SLC25A14: variants seen among roughly 807,000 people sequenced by gnomAD.
The protein encoded by SLC25A14 is brain mitochondrial carrier protein 1.
SLC25A14 carries 8 observed loss-of-function variants against 28.1 expected under a neutral mutation model. The observed-to-expected ratio is 0.28, with a 90% CI of 0.17 to 0.51. The LOEUF (loss-of-function observed/expected upper bound fraction) is 0.51. SLC25A14 is among the 20% of genes least tolerant of loss of function. The pLI, the probability that SLC25A14 is intolerant of heterozygous loss-of-function variation, is 0.97. For synonymous variants in SLC25A14, 74 were observed against 90.6 expected (o/e 0.82, Z 1.04); for missense variants, 135 against 263.8 (o/e 0.51, Z 3.38).
At chrX:130,344,704 A>T (rs1162916717) in intron 2 of SLC25A14, among the ~76,000 whole-genome samples, 1 of 111,739 alleles carries the variant, frequency 8.9e-6, no homozygotes, top group Non-Finnish European at 1.9e-5. Flanking sequence ...TATAGTAGAG[A>T]GATAGGAGGG....
At position 130,372,551 on chromosome X, in the gene SLC25A14, C is replaced by G. The variant is rs767511457; in HGVS notation, c.937-358C>G. ...GATCTCGGCTCACTGCAAACTCCAC[C>G]TCCTGAGTTCACGCCATTCTCCTGC... is the stretch of plus-strand genomic sequence containing the variant. On this transcript the variant is annotated intron_variant, in intron 10 of 10. Transcript: ENST00000545805. 1.6e-4 allele frequency among the ~76,000 whole-genome samples: 17 copies of G among 109,064 alleles called. No individual in the cohort carries two copies. The South Asian group carries it at 6.5e-3, about 42-fold the overall frequency. The allele number at this position is 109,064 out of a possible 115,157, so 94.7% of individuals were successfully genotyped here.
intron 6 of SLC25A14, among the ~76,000 whole-genome samples, chrX:130,356,385 C>T (rs768663441): frequency 9.2e-5 from 10 of 109,035 alleles, no homozygotes; most frequent in Non-Finnish European, 1.3e-4. Flanking sequence ...CACACCACCA[C>T]GCCTGGCTAA....
chrX:130,369,522 G>T (rs889228928), intron 9 of SLC25A14, among the ~76,000 whole-genome samples: 1 of 112,088 alleles, frequency 8.9e-6, no homozygotes. Flanking sequence ...AGAAATAGAT[G>T]CTATGCAGAA....
At chrX:130,357,221 C>T (rs986105943) in intron 6 of SLC25A14, among the ~76,000 whole-genome samples, 37 of 111,756 alleles carry the variant, frequency 3.3e-4, no homozygotes, top group Admixed American at 3.0e-3. Flanking sequence ...TCAAAATTAA[C>T]GCAAAAAATT....
At chrX:130,357,145 G>A (rs1402637040) in intron 6 of SLC25A14, among the ~76,000 whole-genome samples, 2 of 112,134 alleles carry the variant, frequency 1.8e-5, no homozygotes, top group African/African-American at 3.2e-5. Flanking sequence ...GATGCAGAAT[G>A]TAAGAAGGTG....
chrX:130,344,238 A>C (rs1024208541), intron 2 of SLC25A14, among the ~76,000 whole-genome samples: 1 of 111,743 alleles, frequency 8.9e-6, no homozygotes, highest in Non-Finnish European at 1.9e-5. Context: ...CCAATCAGAA[A>C]CTCTGGGGGA....
chrX:130,361,694 G>A (rs1208990599), intron 7 of SLC25A14, among the ~76,000 whole-genome samples: 4 of 111,676 alleles, frequency 3.6e-5, no homozygotes, highest in African/African-American at 1.3e-4. Context: ...GGGGACTGTG[G>A]TCCTGGAGAG....
chrX:130,358,793 A>AT (rs977215626), intron 7 of SLC25A14, 58 bp downstream of exon 7: 147 of 855,204 alleles, frequency 1.7e-4, no homozygotes, highest in Middle Eastern at 2.8e-4. Flanking sequence ...TTTGCAGAGA[A>AT]TTTTTTTTTA....
chrX:130,357,042 C>T (rs2033815097), intron 6 of SLC25A14, among the ~76,000 whole-genome samples: 1 of 111,884 alleles, frequency 8.9e-6, no homozygotes. Flanking sequence ...CTTCCTGAAA[C>T]GTCTTTCTCA....
intron 3 of SLC25A14, among the ~76,000 whole-genome samples, chrX:130,345,736 G>A (rs182189821): frequency 3.7e-4 from 41 of 111,221 alleles, no homozygotes; most frequent in East Asian, 2.5e-3. Context: ...TTAGATTGTC[G>A]TTTTTTTCAT....
At chrX:130,341,399 A>G (rs1258544945) in intron 2 of SLC25A14, among the ~76,000 whole-genome samples, 2 of 112,572 alleles carry the variant, frequency 1.8e-5, no homozygotes, top group Non-Finnish European at 3.7e-5. Flanking sequence ...TGCTAGAACG[A>G]ATATCTGTGT....
At chrX:130,371,208 A>G (rs191040875) in intron 9 of SLC25A14, among the ~76,000 whole-genome samples, 7 of 111,950 alleles carry the variant, frequency 6.3e-5, no homozygotes, top group Admixed American at 4.8e-4. Flanking sequence ...CACTACTACC[A>G]TATTCTGTTG....
At chrX:130,351,168 C>G (rs999600466) in intron 6 of SLC25A14, among the ~76,000 whole-genome samples, 2 of 111,357 alleles carry the variant, frequency 1.8e-5, no homozygotes, top group African/African-American at 3.3e-5. Context: ...CTCAATTTTA[C>G]AAAAGAAATG....
intron 10 of SLC25A14, among the ~76,000 whole-genome samples, chrX:130,372,170 G>A (rs375577441): frequency 8.9e-6 from 1 of 111,787 alleles, no homozygotes; most frequent in Admixed American, 9.5e-5. Flanking sequence ...GGTAAGCACC[G>A]CAGGGTTGGA....
chrX:130,352,746 T>G (rs2033655919), intron 6 of SLC25A14, among the ~76,000 whole-genome samples: 1 of 112,336 alleles, frequency 8.9e-6, no homozygotes, highest in East Asian at 2.8e-4. Flanking sequence ...GTCTTTTGCC[T>G]ACTTTTTAAT....
intron 2 of SLC25A14, 86 bp from the exon 3 acceptor site, chrX:130,345,096 C>T: frequency 1.5e-6 from 1 of 659,608 alleles, no homozygotes; most frequent in Non-Finnish European, 2.4e-6. Context: ...TTTTATTTGC[C>T]AATTTTGTTT....
intron 9 of SLC25A14, among the ~76,000 whole-genome samples, chrX:130,368,026 G>T (rs189781476): frequency 1.8e-5 from 2 of 112,384 alleles, no homozygotes; most frequent in Non-Finnish European, 3.8e-5. Flanking sequence ...TGATCCACCC[G>T]CCTTGGCCTC....
At position 130,373,054 on chromosome X, in the gene SLC25A14, G is replaced by A. The variant is rs2124777200; in HGVS notation, c.*104G>A. On this transcript the variant is annotated 3_prime_UTR_variant, in exon 11 of 11. Coordinates refer to ENST00000545805, the MANE Select transcript of SLC25A14 (RefSeq NM_001282195.2). ...CAATGTTGTAAGTGTTTACCAAGCCGTTGGTCTCCTAAGGGCCTCCTGATG... is the reference window on the plus strand; with the variant it reads ...CAATGTTGTAAGTGTTTACCAAGCCATTGGTCTCCTAAGGGCCTCCTGATG... The A allele has an allele frequency of 4.8e-6, 3 of 630,247 alleles. No individual in the cohort carries two copies. Among genetic ancestry groups the A allele is most frequent in the South Asian group, 5.8e-5 (2 of 34,429 alleles). The allele number at this position is 630,247 out of a possible 1,213,427, so 51.9% of individuals were successfully genotyped here.
rs1336363100 is a variant in SLC25A14, at chrX:130,346,683, C to T, written c.309C>T (p.Leu103=). The T allele has an allele frequency of 8.3e-6, 10 of 1,203,030 alleles. No homozygotes were observed. The highest frequency in any genetic ancestry group is 1.1e-5 in the Non-Finnish European group (10 of 889,638). ...RICKEEGVLA[L]YSGIAPALLR... Reference sequence around the variant, plus strand: ...GTAAAGAGGAAGGTGTATTGGCTCTCTATTCAGGGTGAGACTGGTTCTTTC... The same window carrying T: ...GTAAAGAGGAAGGTGTATTGGCTCTTTATTCAGGGTGAGACTGGTTCTTTC... The change falls in exon 4 of 11, where the codon CTC becomes CTT. Residue 103 remains leucine (L), a synonymous_variant. Transcript: ENST00000545805.
Sources: gnomAD v4.1 joint callset for allele counts (sites outside exome capture counted in the v4.1 genomes callset) on GRCh38, gnomAD v4.1.1 for gene constraint, MANE v1.5 for transcripts, NCBI Gene and HGNC (gene_info 2026-07-23, HGNC 2026-07-21) for gene names.